The following ERBB4 variants were observed in gnomAD, a reference collection of about 807,000 sequenced individuals.
ERBB4 encodes erb-b2 receptor tyrosine kinase 4, also known as receptor tyrosine-protein kinase erbB-4.
A neutral mutation model predicts 158.0 loss-of-function variants in ERBB4; 42 were observed. The ratio of observed to expected loss-of-function variants is 0.27; its 90% CI spans 0.21 to 0.34. The LOEUF (loss-of-function observed/expected upper bound fraction) is 0.34, where lower values mean the gene tolerates loss of function less well. Ranked by LOEUF, ERBB4 falls within the 10% of genes least tolerant of loss-of-function variation. ERBB4 has a pLI of 1.00. For missense variants in ERBB4, 1,333 were observed against 1,624.1 expected (o/e 0.82, Z 3.08); for synonymous variants, 583 against 558.7 (o/e 1.04, Z -0.61).
At chr2:211,663,946 G>C (rs776700316) in intron 15 of ERBB4, among the ~76,000 whole-genome samples, 91 of 151,982 alleles carry the variant, frequency 6.0e-4, no homozygotes, top group Non-Finnish European at 1.1e-3. Context: ...AACTCACAAG[G>C]GGAGCAGTTT....
intron 1 of ERBB4, among the ~76,000 whole-genome samples, chr2:212,455,168 A>G (rs1688216715): frequency 6.6e-6 from 1 of 152,094 alleles, no homozygotes; most frequent in Non-Finnish European, 1.5e-5. Context: ...AACAGTAGAG[A>G]CTTTTGTTTA....
intron 3 of ERBB4, among the ~76,000 whole-genome samples, chr2:211,881,753 C>T (rs1444570501): frequency 6.6e-6 from 1 of 152,088 alleles, no homozygotes; most frequent in Admixed American, 6.5e-5. Context: ...TTTTCTGGGA[C>T]CCCTCTCTGT....
rs540098792 is a variant in ERBB4 at position 211,859,047 on chromosome 2, G to T, written c.422-70888C>A. ...TTCACCTGCCTCAGCCTCACAAAGT[G>T]CTGGGATTACAGGCATGAGCCACTG... On this transcript the variant is annotated intron_variant, in intron 3 of 27. Coordinates refer to ENST00000342788, the MANE Select transcript of ERBB4 (RefSeq NM_005235.3). 2.6e-5 allele frequency among the ~76,000 whole-genome samples: 4 copies of T among 152,144 alleles called. No homozygotes were observed. The South Asian group carries it at 6.2e-4, about 24-fold the overall frequency.
intron 2 of ERBB4, among the ~76,000 whole-genome samples, chr2:212,094,478 GATTGTACAAAGTTTAGATTTCAATCA>G (rs2078869622): frequency 6.6e-6 from 1 of 151,018 alleles, no homozygotes; most frequent in Admixed American, 6.6e-5. Context: ...CTCAATTCAG[GATTGTACAAAGTTTAGATTTCAATCA>G]AACTTGTTCT....
intron 19 of ERBB4, among the ~76,000 whole-genome samples, chr2:211,607,047 GA>G (rs2069008960): frequency 6.6e-6 from 1 of 152,082 alleles, no homozygotes; most frequent in African/African-American, 2.4e-5. Context: ...ACATATTCCT[GA>G]TTCACCAAAA....
At chr2:211,581,038 T>G (rs2068088456) in intron 19 of ERBB4, among the ~76,000 whole-genome samples, 1 of 150,796 alleles carries the variant, frequency 6.6e-6, no homozygotes, top group South Asian at 2.1e-4. Context: ...ATGCTGTATG[T>G]TCTCACTCAT....
At chr2:211,782,270 T>G (rs2076055355) in intron 4 of ERBB4, among the ~76,000 whole-genome samples, 1 of 152,042 alleles carries the variant, frequency 6.6e-6, no homozygotes, top group South Asian at 2.1e-4. Context: ...CATCTGACCC[T>G]CAGCTGGCAC....
chr2:212,312,753 G>T (rs1158652864), intron 1 of ERBB4, among the ~76,000 whole-genome samples: 1 of 150,810 alleles, frequency 6.6e-6, no homozygotes, highest in Non-Finnish European at 1.5e-5. Context: ...TTAGAGTGAA[G>T]CAGTTTGGCT....
At chr2:212,520,108 T>C (rs1692072225) in intron 1 of ERBB4, among the ~76,000 whole-genome samples, 2 of 151,966 alleles carry the variant, frequency 1.3e-5, no homozygotes, top group South Asian at 4.1e-4. Flanking sequence ...AAATATAATT[T>C]AAACATATTT....
At chr2:211,744,756 A>G (rs1467816526) in intron 5 of ERBB4, among the ~76,000 whole-genome samples, 1 of 152,216 alleles carries the variant, frequency 6.6e-6, no homozygotes, top group Admixed American at 6.5e-5. Context: ...GGTGTAGTCT[A>G]TGAAATATAT....
intron 1 of ERBB4, among the ~76,000 whole-genome samples, chr2:212,437,837 C>A (rs2092171475): frequency 6.6e-6 from 1 of 152,052 alleles, no homozygotes; most frequent in African/African-American, 2.4e-5. Flanking sequence ...AATACCTCAT[C>A]TTCCTTTTCA....
At chr2:211,644,052 G>T (rs1268320161) in intron 16 of ERBB4, among the ~76,000 whole-genome samples, 8 of 151,908 alleles carry the variant, frequency 5.3e-5, no homozygotes, top group African/African-American at 1.9e-4. Context: ...CTAATTTCTG[G>T]ATCCATAGTA....
chr2:212,105,707 A>G (rs1369993327), intron 2 of ERBB4, among the ~76,000 whole-genome samples: 1 of 152,164 alleles, frequency 6.6e-6, no homozygotes, highest in Admixed American at 6.5e-5. Flanking sequence ...GTCCTGACCT[A>G]ATTGATATGG....
intron 3 of ERBB4, among the ~76,000 whole-genome samples, chr2:211,849,432 A>G (rs1007064609): frequency 2.2e-4 from 34 of 151,986 alleles, no homozygotes; most frequent in African/African-American, 7.7e-4. Flanking sequence ...AGCAATTTCA[A>G]TGAAACAGTA....
intron 1 of ERBB4, among the ~76,000 whole-genome samples, chr2:212,414,328 ATTCTT>A (rs2105883660): frequency 6.6e-6 from 1 of 152,324 alleles, no homozygotes; most frequent in South Asian, 2.1e-4. Context: ...TTCATTCTAT[ATTCTT>A]TTAACTAAGG....
chr2:211,408,180 T>C (rs931682655), intron 25 of ERBB4, among the ~76,000 whole-genome samples: 6 of 152,222 alleles, frequency 3.9e-5, no homozygotes, highest in Non-Finnish European at 7.3e-5. Context: ...TTCTATTATA[T>C]AAAGGGTAAA....
chr2:211,874,664 C>T (rs1204600584), intron 3 of ERBB4, among the ~76,000 whole-genome samples: 1 of 152,052 alleles, frequency 6.6e-6, no homozygotes, highest in Non-Finnish European at 1.5e-5. Flanking sequence ...GAGTTCTTTC[C>T]TATTGTGAGT....
chr2:211,679,207 G>A (rs1247984813), intron 12 of ERBB4, 23 bp from the exon 13 acceptor site: 5 of 1,612,124 alleles, frequency 3.1e-6, no homozygotes, highest in Non-Finnish European at 4.2e-6. Flanking sequence ...AAAATCAAGG[G>A]GAAATAAAAC....
chr2:212,003,903 T>C (rs939641935), intron 2 of ERBB4, among the ~76,000 whole-genome samples: 9 of 152,154 alleles, frequency 5.9e-5, no homozygotes, highest in African/African-American at 1.7e-4. Flanking sequence ...CCTCAACGTA[T>C]ATGCAATAAA....
Sources: allele counts gnomAD v4.1 joint callset (sites outside exome capture counted in the v4.1 genomes callset), GRCh38; gene constraint gnomAD v4.1.1; transcripts MANE v1.5; gene names NCBI Gene and HGNC (gene_info 2026-07-23, HGNC 2026-07-21).